Variants in DDX17 observed in about 807,000 individuals in gnomAD.
DDX17 encodes the protein DEAD-box helicase 17.
In DDX17, 10 loss-of-function variants were observed where a neutral mutation model predicts 80.8. That is an observed-to-expected ratio of 0.12 (90% confidence interval 0.08 to 0.21). The LOEUF (loss-of-function observed/expected upper bound fraction) is 0.21. Ranked by LOEUF, DDX17 falls within the 10% of genes least tolerant of loss-of-function variation. The probability of loss-of-function intolerance (pLI) is 1.00; values close to 1 mark genes in which losing one functional copy is unlikely to be tolerated. For missense variants in DDX17, 586 were observed against 957.4 expected (o/e 0.61, Z 5.12); for synonymous variants, 339 against 336.2 (o/e 1.01, Z -0.09).
At chr22:38,488,658 T>G in intron 11 of DDX17, 4 of 986,998 alleles carry the variant, frequency 4.1e-6, no homozygotes, top group South Asian at 9.3e-5. Context: ...CTTAAATGTT[T>G]TGATTAACAT....
chr22:38,499,323 A>C, intron 3 of DDX17, 77 bp downstream of exon 3: 2 of 1,126,786 alleles, frequency 1.8e-6, no homozygotes, highest in Non-Finnish European at 2.7e-6. Flanking sequence ...GCCTGGCTCA[A>C]AGAGTTTAAC....
At position 38,486,280 on chromosome 22, in the gene DDX17, A is replaced by G. The variant is rs1224960685; in HGVS notation, c.1845T>C (p.Asn615=). 2.5e-6 allele frequency: 4 copies of G among 1,614,104 alleles called. No homozygotes were observed. The South Asian group carries it at 3.3e-5, about 13-fold the overall frequency. Residue 615 remains asparagine (N), a synonymous_variant, in exon 13 of 13, where the codon AAT becomes AAC. Transcript: ENST00000403230. ...AATTTGGACTTCCATAGCCACTGCC[A>G]TTAGCATAACCAGCTCTATCGGTTT...
At chr22:38,498,331 G>GTA in intron 4 of DDX17, 109 bp downstream of exon 4, 1 of 1,485,128 alleles carries the variant, frequency 6.7e-7, no homozygotes, top group Non-Finnish European at 9.2e-7. Context: ...AACTAAAATA[G>GTA]TATCTAACTA....
intron 1 of DDX17, among the ~76,000 whole-genome samples, chr22:38,502,274 G>A (rs950882481): frequency 9.9e-5 from 15 of 152,080 alleles, no homozygotes; most frequent in Admixed American, 2.6e-4. Flanking sequence ...GTAGCCAGGC[G>A]TGGTGGTGCA....
At chr22:38,487,689 A>T (rs1476319030) in intron 12 of DDX17, among the ~76,000 whole-genome samples, 190 bp downstream of exon 12, 1 of 152,186 alleles carries the variant, frequency 6.6e-6, no homozygotes. Flanking sequence ...ATTTAGCTTA[A>T]CTAATAGGAC....
intron 11 of DDX17, chr22:38,490,453 C>T (rs1204423263): frequency 7.8e-7 from 1 of 1,288,378 alleles, no homozygotes. Flanking sequence ...AAAAACAAAA[C>T]AAAATAAATT....
intron 11 of DDX17, 56 bp from the exon 12 acceptor site, chr22:38,488,171 TAAAGGACATGCCAAC>T: frequency 6.2e-7 from 1 of 1,610,916 alleles, no homozygotes; most frequent in Non-Finnish European, 8.5e-7. Flanking sequence ...AAAGAGAAGG[TAAAGGACATGCCAAC>T]AACAGGTGGG....
chr22:38,492,495 C>CT (rs1479577325), intron 10 of DDX17, among the ~76,000 whole-genome samples: 1 of 151,864 alleles, frequency 6.6e-6, no homozygotes, highest in African/African-American at 2.4e-5. Context: ...ATTTTTCTTT[C>CT]TTTTTTTTGA....
intron 2 of DDX17, among the ~76,000 whole-genome samples, chr22:38,499,752 G>A (rs565910414): frequency 3.3e-5 from 5 of 152,156 alleles, no homozygotes; most frequent in African/African-American, 1.2e-4. Flanking sequence ...CTCAAGGTCA[G>A]AATGAGAAGG....
intron 2 of DDX17, 107 bp downstream of exon 2, chr22:38,501,018 TCACCA>T: frequency 1.5e-6 from 2 of 1,293,202 alleles, no homozygotes; most frequent in South Asian, 3.4e-5. Context: ...AAGAAAAATA[TCACCA>T]CACTAGAATA....
At chr22:38,494,562 C>T (rs540494550) in intron 8 of DDX17, 68 bp downstream of exon 8, 4 of 1,478,740 alleles carry the variant, frequency 2.7e-6, no homozygotes, top group Non-Finnish European at 3.7e-6. Flanking sequence ...TTCTACAGTA[C>T]TAATTTTGGA....
At chr22:38,490,292 G>A (rs1404939134) in intron 11 of DDX17, 1 of 1,270,468 alleles carries the variant, frequency 7.9e-7, no homozygotes, top group Admixed American at 2.6e-5. Flanking sequence ...CCTTTTGTCT[G>A]AAAGGCCCTA....
In DDX17 at chr22:38,489,225, G is replaced by C; in HGVS notation, c.1448-1110C>G. 1 of 985,716 alleles carries C rather than the reference G, an allele frequency of 1.0e-6. No individual in the cohort carries two copies. Among genetic ancestry groups the C allele is most frequent in the African/African-American group, 1.7e-5 (1 of 57,302 alleles). The allele number at this position is 985,716 out of a possible 1,614,324, so 61.1% of individuals were successfully genotyped here. On this transcript the variant is annotated intron_variant, in intron 11 of 12. Transcript: ENST00000403230. The surrounding 1 kb of genome is among the most constrained non-coding windows in gnomAD (Gnocchi z 4.6). ...AAAAAACATTCTCTGTTTGTTACCA[G>C]ACCGATGCACACTCCCTCCTCCTTT...
rs1206779293 is a variant in DDX17, at chr22:38,485,498, C to T, written c.*437G>A. 6.6e-6 allele frequency: 1 copy of T among 152,086 alleles called. No homozygotes were observed. The highest frequency in any genetic ancestry group is 1.9e-4 in the East Asian group (1 of 5,178). The allele number at this position is 152,086 out of a possible 1,614,324, so 9.4% of individuals were successfully genotyped here. On this transcript the variant is annotated 3_prime_UTR_variant, in exon 13 of 13. Coordinates refer to ENST00000403230, the MANE Select transcript of DDX17 (RefSeq NM_006386.5). ...TAATGAGAAATTTAAAGCACAGATG[C>T]CATCTTCCTCTGCAAAACAATTCAG...
chr22:38,484,034 G>A lies in DDX17; in HGVS notation c.*1901C>T, dbSNP rs1243541280. 2 of 152,594 alleles carry A rather than the reference G, an allele frequency of 1.3e-5. No homozygotes were observed. The highest frequency in any genetic ancestry group is 2.9e-5 in the Non-Finnish European group (2 of 68,034). The allele number at this position is 152,594 out of a possible 1,614,324, so 9.5% of individuals were successfully genotyped here. ...ACAGATGCTTTCAAGAGCTGCGAGA[G>A]AGTAGGGCATCCCTTGTGGTGGTAC... On this transcript the variant is annotated 3_prime_UTR_variant, in exon 13 of 13. Transcript: ENST00000403230.
intron 1 of DDX17, among the ~76,000 whole-genome samples, chr22:38,504,660 G>GAAGTGC (rs962033247): frequency 3.5e-4 from 54 of 152,298 alleles, no homozygotes; most frequent in Admixed American, 9.8e-4. Flanking sequence ...AGTGGCAACT[G>GAAGTGC]AAGTGCTTGA....
intron 1 of DDX17, among the ~76,000 whole-genome samples, chr22:38,502,250 A>G (rs1720778017): frequency 6.6e-6 from 1 of 152,112 alleles, no homozygotes; most frequent in African/African-American, 2.4e-5. Context: ...GTCTCTTACT[A>G]AAAACACAAA....
chr22:38,504,109 G>A (rs1407708746), intron 1 of DDX17, among the ~76,000 whole-genome samples: 1 of 152,180 alleles, frequency 6.6e-6, no homozygotes, highest in Non-Finnish European at 1.5e-5. Flanking sequence ...GCCCCTCTAT[G>A]TGCCTATTTC....
At chr22:38,500,674 G>A (rs550052130) in intron 2 of DDX17, among the ~76,000 whole-genome samples, 19 of 151,564 alleles carry the variant, frequency 1.3e-4, no homozygotes, top group African/African-American at 1.9e-4. Context: ...AAAATTAGCC[G>A]GGCATGGTGG....
Sources: allele counts gnomAD v4.1 joint callset (sites outside exome capture counted in the v4.1 genomes callset), GRCh38; gene constraint gnomAD v4.1.1; non-coding constraint Gnocchi (gnomAD v3.1); transcripts MANE v1.5; gene names NCBI Gene and HGNC (gene_info 2026-07-23, HGNC 2026-07-21).